CD40: variants seen among roughly 807,000 people sequenced by gnomAD.
CD40 encodes the protein CD40 molecule.
CD40 carries 19 observed loss-of-function variants against 38.5 expected under a neutral mutation model. That is an observed-to-expected ratio of 0.49 (90% CI 0.34 to 0.72). The LOEUF is 0.72. CD40 is among the 30% of genes least tolerant of loss of function. The pLI is 0.01. For synonymous variants in CD40, 130 were observed against 128.7 expected, an observed-to-expected ratio of 1.01 and a Z score of -0.07; for missense variants, 256 against 344.1, an observed-to-expected ratio of 0.74 and a Z score of 2.03.
chr20:46,127,876 T>C (rs1353369127), intron 6 of CD40: 1 of 586,534 alleles, frequency 1.7e-6, no homozygotes, highest in Non-Finnish European at 2.8e-6. Context: ...CTTCCCAGTT[T>C]GTAAGAGAAA....
intron 1 of CD40, among the ~76,000 whole-genome samples, chr20:46,120,511 C>A (rs1472272735): frequency 6.6e-6 from 1 of 152,216 alleles, no homozygotes; most frequent in Non-Finnish European, 1.5e-5. Flanking sequence ...CTTTACAGTT[C>A]TTTTAAAAAT....
chr20:46,120,593 CCTT>C (rs1284808699), intron 1 of CD40, among the ~76,000 whole-genome samples: 1 of 152,342 alleles, frequency 6.6e-6, no homozygotes, highest in East Asian at 1.9e-4. Context: ...GCTTGCTAAT[CCTT>C]CTTTTAAAAC....
chr20:46,122,916 G>T lies in CD40; in HGVS notation c.403+160G>T. The T allele has an allele frequency of 1.0e-6, 1 of 996,840 alleles. No individual in the cohort carries two copies. The highest frequency in any genetic ancestry group is 1.5e-6 in the Non-Finnish European group (1 of 664,730). The allele number at this position is 996,840 out of a possible 1,614,324, so 61.7% of individuals were successfully genotyped here. ...TGGAGTGAGCTGCAGACGGGACCTT[G>T]TTCATTCTGCCTTCTGCCATGGGGA... On this transcript the variant is annotated intron_variant, in intron 4 of 8. Coordinates refer to ENST00000372285, the MANE Select transcript of CD40 (RefSeq NM_001250.6). The surrounding 1 kb of genome is among the most constrained non-coding windows in gnomAD (Gnocchi z 5.0).
chr20:46,129,376 T>C lies in CD40; in HGVS notation c.*336T>C. On this transcript the variant is annotated 3_prime_UTR_variant, in exon 9 of 9. Transcript: ENST00000372285. ...CAGCAGTTTGGTGCCCAGAGAGGCA[T>C]CATGGTGGCTTCCCTGCGCCCAGGA... 2.7e-6 allele frequency: 1 copy of C among 367,908 alleles called. No homozygotes were observed. The highest frequency in any genetic ancestry group is 2.3e-5 in the South Asian group (1 of 43,912). 22.8% of individuals were successfully genotyped at this position (367,908 alleles called of 1,614,324 possible). A position where few individuals can be genotyped will look rare whatever the true frequency, so the allele number is the denominator to read the frequency against.
At chr20:46,121,927 T>C in intron 2 of CD40, 29 bp downstream of exon 2, 1 of 1,576,946 alleles carries the variant, frequency 6.3e-7, no homozygotes, top group Non-Finnish European at 8.7e-7. Flanking sequence ...AGCCCCATCA[T>C]GGAGTCCCCC....
rs1163963238 is a variant in CD40 at position 46,123,114 on chromosome 20, A to C, written c.404-12A>C. On this transcript the variant is annotated splice_polypyrimidine_tract_variant and intron_variant, in intron 4 of 8. Coordinates refer to ENST00000372285, the MANE Select transcript of CD40 (RefSeq NM_001250.6). ...TGTGATGGTTAATGTCCCCCTCCCC[A>C]CCCACTCCCAGCTACAGGGGTTTCT... is the stretch of plus-strand genomic sequence containing the variant. 6.2e-7 allele frequency: 1 copy of C among 1,605,834 alleles called. No homozygotes were observed. The highest frequency in any genetic ancestry group is 1.7e-5 in the Admixed American group (1 of 59,986).
At position 46,122,595 on chromosome 20, in the gene CD40, C is replaced by G. The variant is rs933531196; in HGVS notation, c.257-15C>G. 1 of 1,614,114 alleles carries G rather than the reference C, an allele frequency of 6.2e-7. No homozygotes were observed. ...CAGCAGGGGGTTCCCATCCTTCCTG[C>G]CCTTCTCTTCTCAGACCTAGGGCTT... On this transcript the variant is annotated splice_polypyrimidine_tract_variant and intron_variant, in intron 3 of 8. Coordinates refer to ENST00000372285, the MANE Select transcript of CD40 (RefSeq NM_001250.6). The surrounding 1 kb of genome is among the most constrained non-coding windows in gnomAD (Gnocchi z 5.0).
In CD40 at chr20:46,129,352, A is replaced by T; in HGVS notation, c.*312A>T. 2.6e-6 allele frequency: 1 copy of T among 390,110 alleles called. No homozygotes were observed. The highest frequency in any genetic ancestry group is 4.9e-6 in the Non-Finnish European group (1 of 203,158). The allele number at this position is 390,110 out of a possible 1,614,324, so 24.2% of individuals were successfully genotyped here. A position where few individuals can be genotyped will look rare whatever the true frequency, so the allele number is the denominator to read the frequency against. ...TAATATCCACCAGACCTTCCGATCC[A>T]GCAGTTTGGTGCCCAGAGAGGCATC... On this transcript the variant is annotated 3_prime_UTR_variant, in exon 9 of 9. Coordinates refer to ENST00000372285, the MANE Select transcript of CD40 (RefSeq NM_001250.6).
intron 8 of CD40, chr20:46,128,571 A>G (rs2145614378): frequency 1.4e-6 from 1 of 717,208 alleles, no homozygotes; most frequent in Non-Finnish European, 2.5e-6. Flanking sequence ...GGCAGAGCCT[A>G]ACACTGGCTG....
In CD40 at chr20:46,128,231, C is replaced by A; in HGVS notation, c.646+7C>A. ...TTGGTGCTGGTCTTTATCAGTGAGTCCTCAGGTGGGGAGGTGTTGGGGGAG... is the reference window on the plus strand; with the variant it reads ...TTGGTGCTGGTCTTTATCAGTGAGTACTCAGGTGGGGAGGTGTTGGGGGAG... On this transcript the variant is annotated splice_region_variant and intron_variant, in intron 7 of 8. Transcript: ENST00000372285. The A allele has an allele frequency of 6.2e-7, 1 of 1,612,450 alleles. No homozygotes were observed.
At chr20:46,127,473 C>T (rs1432413802) in intron 6 of CD40, among the ~76,000 whole-genome samples, 3 of 152,188 alleles carry the variant, frequency 2.0e-5, no homozygotes, top group Non-Finnish European at 4.4e-5. Flanking sequence ...AGCCAGCCTG[C>T]AGGCCGTAGT....
chr20:46,126,201 GCCCACC>G (rs921403214), intron 5 of CD40, among the ~76,000 whole-genome samples: 2 of 151,936 alleles, frequency 1.3e-5, no homozygotes, highest in African/African-American at 4.8e-5. Flanking sequence ...GCATAGGACA[GCCCACC>G]CCCACCCCCA....
Position 46,122,641 on chromosome 20 carries a change from C to G in CD40, c.288C>G (p.Thr96=), listed in dbSNP as rs763334863. 1 of 1,614,146 alleles carries G rather than the reference C, an allele frequency of 6.2e-7. No homozygotes were observed. Among genetic ancestry groups the G allele is most frequent in the Non-Finnish European group, 8.5e-7 (1 of 1,180,032 alleles). The change falls in exon 4 of 9, where the codon ACC becomes ACG. Residue 96 remains threonine, a synonymous_variant. Transcript: ENST00000372285. This position sits in a 1 kb window ranked among gnomAD's most constrained non-coding sequence, Gnocchi z 5.0. ...GGCTTCGGGTCCAGCAGAAGGGCAC[C>G]TCAGAAACAGACACCATCTGCACCT... ...NLGLRVQQKG[T]SETDTICTCE...
At position 46,122,935 on chromosome 20, in the gene CD40, A is replaced by C; in HGVS notation, c.403+179A>C. ...GACCTTGTTCATTCTGCCTTCTGCC[A>C]TGGGGATCTGCCTTTGAAGGGCAAT... is the stretch of plus-strand genomic sequence containing the variant. On this transcript the variant is annotated intron_variant, in intron 4 of 8. Transcript: ENST00000372285. The surrounding 1 kb of genome is among the most constrained non-coding windows in gnomAD (Gnocchi z 5.0). 1 of 927,672 alleles carries C rather than the reference A, an allele frequency of 1.1e-6. No homozygotes were observed. The allele number at this position is 927,672 out of a possible 1,614,324, so 57.5% of individuals were successfully genotyped here.
chr20:46,126,660 T>A lies in CD40; in HGVS notation c.518T>A (p.Val173Asp). Residue 173 changes from valine to aspartate, a missense_variant, in exon 6 of 9, where the codon GTT (valine) becomes GAT (aspartate). Physicochemically the swap from Val to Asp is radical, Grantham distance 152. Coordinates refer to ENST00000372285, the MANE Select transcript of CD40 (RefSeq NM_001250.6). ...CATAGCTGTGAGACCAAAGACCTGG[T>A]TGTGCAACAGGCAGGCACAAACAAG... Reference protein sequence around the residue: ...PWTSCETKDLVVQQAGTNKTD... With the variant: ...PWTSCETKDLDVQQAGTNKTD... The A allele has an allele frequency of 2.5e-6, 4 of 1,614,150 alleles. No individual in the cohort carries two copies. The highest frequency in any genetic ancestry group is 3.4e-6 in the Non-Finnish European group (4 of 1,180,024).
chr20:46,118,350 C>T lies in CD40; in HGVS notation c.7C>T (p.Arg3Cys), dbSNP rs1600650328. 3 of 1,613,976 alleles carry T rather than the reference C, an allele frequency of 1.9e-6. No individual in the cohort carries two copies. Among genetic ancestry groups the T allele is most frequent in the South Asian group, 1.1e-5 (1 of 91,080 alleles). Reference protein sequence around the residue: MVRLPLQCVLWGC... With the variant: MVCLPLQCVLWGC... ...CGCCTGGTCTCACCTCGCTATGGTT[C>T]GTCTGCCTCTGCAGTGCGTCCTCTG... The change falls in exon 1 of 9, where the codon CGT becomes TGT. Residue 3 changes from arginine (R) to cysteine (C), a missense_variant. Coordinates refer to ENST00000372285, the MANE Select transcript of CD40 (RefSeq NM_001250.6).
At chr20:46,120,310 G>A (rs1323691488) in intron 1 of CD40, among the ~76,000 whole-genome samples, 1 of 152,234 alleles carries the variant, frequency 6.6e-6, no homozygotes, top group South Asian at 2.1e-4. Context: ...CTGCAGGGCA[G>A]GCATTATTAC....
chr20:46,129,066 C>T lies in CD40; in HGVS notation c.*26C>T, dbSNP rs1264746604. The T allele has an allele frequency of 1.9e-6, 3 of 1,613,224 alleles. No homozygotes were observed. The highest frequency in any genetic ancestry group is 1.3e-5 in the African/African-American group (1 of 74,916). ...GGCTGCACCCACCCAGGAGTGTGGC[C>T]ACGTGGGCAAACAGGCAGTTGGCCA... On this transcript the variant is annotated 3_prime_UTR_variant, in exon 9 of 9. Transcript: ENST00000372285.
At position 46,124,751 on chromosome 20, in the gene CD40, GT is replaced by G. The variant is rs780015926; in HGVS notation, c.497+1565del. Among the ~76,000 whole-genome samples, 448 of 73,786 alleles carry G rather than the reference GT, an allele frequency of 6.1e-3. 2 individuals carry two copies. Among genetic ancestry groups the G allele is most frequent in the African/African-American group, 0.023 (413 of 17,992 alleles). The allele number at this position is 73,786 out of a possible 152,430, so 48.4% of individuals were successfully genotyped here. On this transcript the variant is annotated intron_variant, in intron 5 of 8. Coordinates refer to ENST00000372285, the MANE Select transcript of CD40 (RefSeq NM_001250.6). ...GATAACTGGAGGCACCACTGGTATAGTTTTTTTTTTTTTTTTTTTTTTTTTT... is the reference window on the plus strand; with the variant it reads ...GATAACTGGAGGCACCACTGGTATAGTTTTTTTTTTTTTTTTTTTTTTTTT...
Sources: allele counts gnomAD v4.1 joint callset (sites outside exome capture counted in the v4.1 genomes callset), GRCh38; gene constraint gnomAD v4.1.1; non-coding constraint Gnocchi (gnomAD v3.1); transcripts MANE v1.5; gene names NCBI Gene and HGNC (gene_info 2026-07-23, HGNC 2026-07-21).